PTOV1: variants seen among roughly 807,000 people sequenced by gnomAD.
PTOV1 encodes the protein PTOV1 extended AT-hook containing adaptor protein, also known as prostate tumor-overexpressed gene 1 protein.
A neutral mutation model predicts 58.0 loss-of-function variants in PTOV1; 20 were observed. That is an observed-to-expected ratio of 0.34 (90% CI 0.24 to 0.50). The LOEUF is 0.50. PTOV1 is among the 20% of genes least tolerant of loss of function. The probability of loss-of-function intolerance (pLI) is 0.98; values close to 1 mark genes in which losing one functional copy is unlikely to be tolerated. For synonymous variants in PTOV1, 335 were observed against 234.2 expected (o/e 1.43, Z -3.93); for missense variants, 593 against 565.4 (o/e 1.05, Z -0.50).
chr19:49,858,623 G>A (rs775188038), exon 10 of PTOV1: 2 of 1,604,040 alleles, frequency 1.2e-6, no homozygotes, highest in South Asian at 1.1e-5. Context: ...AGACACTGAA[G>A]AGCCTGTGCC....
In PTOV1 at chr19:49,854,748, CGTGGCAGCCAGGGCG is replaced by C. The variant is rs758042401; in HGVS notation, c.392+22_392+36del. The C allele has an allele frequency of 6.2e-7, 1 of 1,613,306 alleles. No homozygotes were observed. Among genetic ancestry groups the C allele is most frequent in the Non-Finnish European group, 8.5e-7 (1 of 1,179,932 alleles). The stretch of plus-strand genomic sequence containing the variant: ...AGGCGAGAACCTGTGAGTGCCGGGG[CGTGGCAGCCAGGGCG>C]GTGGCAGGGGCAGTGGCTGTGGCCG... On this transcript the variant is annotated intron_variant, in intron 3 of 11. Transcript: ENST00000391842.
At chr19:49,854,887 T>A in exon 4 of PTOV1, 2 of 1,611,894 alleles carry the variant, frequency 1.2e-6, no homozygotes, top group Non-Finnish European at 1.7e-6. Flanking sequence ...CAGCAGCTGC[T>A]GGTGAGACCC....
chr19:49,857,153 C>G (rs753227251), intron 6 of PTOV1, 23 bp downstream of exon 6: 38 of 1,613,550 alleles, frequency 2.4e-5, no homozygotes, highest in Non-Finnish European at 3.0e-5. Flanking sequence ...AGCACAGCCC[C>G]TCTGGGGACA....
intron 4 of PTOV1, 29 bp downstream of exon 4, chr19:49,854,917 C>G (rs879696366): frequency 2.5e-6 from 4 of 1,571,452 alleles, no homozygotes; most frequent in Non-Finnish European, 3.5e-6. Context: ...ACCCCATCCA[C>G]TCTGAGCACC....
rs78960496 is a variant in PTOV1, at chr19:49,860,228, C to T, written c.1240-40C>T. ...GGGCTGCTCAGTCTCCCTCCACCCC[C>T]GCTGCCTGCTCACCACTGGCCTCTG... On this transcript the variant is annotated intron_variant, in intron 11 of 11. Transcript: ENST00000391842. The T allele has an allele frequency of 1.5e-3, 2,346 of 1,613,620 alleles. 26 individuals carry two copies. In the African/African-American group the frequency reaches 0.025, roughly 17 times the overall value.
At position 49,858,040 on chromosome 19, in the gene PTOV1, C is replaced by T; in HGVS notation, c.879-17C>T. 2 of 1,613,978 alleles carry T rather than the reference C, an allele frequency of 1.2e-6. No individual in the cohort carries two copies. The highest frequency in any genetic ancestry group is 1.7e-6 in the Non-Finnish European group (2 of 1,179,926). On this transcript the variant is annotated splice_polypyrimidine_tract_variant and intron_variant, in intron 8 of 11. Transcript: ENST00000391842. ...GGAGCTGGGGCTTCCTGACCCTCGT[C>T]CCTTTGTGCCCCACAGGAGGACCGA...
chr19:49,859,785 C>A (rs1397844533), intron 10 of PTOV1: 1 of 610,530 alleles, frequency 1.6e-6, no homozygotes, highest in Non-Finnish European at 2.9e-6. Context: ...CCCGACAGAG[C>A]CTGTTGGCCT....
At position 49,860,264 on chromosome 19, in the gene PTOV1, G is replaced by C; in HGVS notation, c.1240-4G>C. 1 of 1,613,576 alleles carries C rather than the reference G, an allele frequency of 6.2e-7. No homozygotes were observed. Among genetic ancestry groups the C allele is most frequent in the Non-Finnish European group, 8.5e-7 (1 of 1,179,762 alleles). ...CACCACTGGCCTCTGATTTCTCGCC[G>C]TAGATGGGGGGGTAGTGGTTACCCC... On this transcript the variant is annotated splice_region_variant and splice_polypyrimidine_tract_variant and intron_variant, in intron 11 of 11. Transcript: ENST00000391842.
At chr19:49,857,476 T>G (rs2074526017) in intron 6 of PTOV1, 1 of 620,756 alleles carries the variant, frequency 1.6e-6, no homozygotes, top group East Asian at 2.8e-5. Context: ...GCAGGTCCTG[T>G]GCACCAGGTG....
chr19:49,851,192 C>A, exon 1 of PTOV1: 2 of 1,214,076 alleles, frequency 1.6e-6, no homozygotes, highest in Non-Finnish European at 2.0e-6. Context: ...ACTCCGGCGG[C>A]GCGTCCCCCG....
In PTOV1 at chr19:49,851,455, G is replaced by T. The variant is rs1211868002; in HGVS notation, c.127G>T (p.Gly43Cys). The change falls in exon 1 of 12, where the codon GGC (glycine) becomes TGC (cysteine). Residue 43 changes from glycine to cysteine, a missense_variant. Physicochemically the swap from Gly to Cys is radical, Grantham distance 159 (BLOSUM62 -3). Coordinates refer to ENST00000391842, the Ensembl canonical transcript of PTOV1. ...GCGCTCCTGGCCTGCCAGCCCCCGA[G>T]GCCCGCAGCCTCCGCGGATCCGGGC... The T allele has an allele frequency of 2.7e-5, 33 of 1,221,594 alleles. No individual in the cohort carries two copies. Among genetic ancestry groups the T allele is most frequent in the Non-Finnish European group, 3.4e-5 (33 of 981,662 alleles). 75.7% of individuals were successfully genotyped at this position (1,221,594 alleles called of 1,614,324 possible).
chr19:49,857,680 TC>T lies in PTOV1; in HGVS notation c.715-10del, dbSNP rs1455833881. On this transcript the variant is annotated splice_polypyrimidine_tract_variant and intron_variant, in intron 6 of 11. Transcript: ENST00000391842. ...GCCTGGGCCCCTCTTCCCACCCCGT[TC>T]CCTTCCAACAGGCAGTGGGACCTGG... 5.6e-6 allele frequency: 9 copies of T among 1,612,828 alleles called. No individual in the cohort carries two copies. The highest frequency in any genetic ancestry group is 7.6e-6 in the Non-Finnish European group (9 of 1,179,320).
chr19:49,857,252 G>A (rs2074512983), intron 6 of PTOV1, 122 bp downstream of exon 6: 3 of 1,391,958 alleles, frequency 2.2e-6, no homozygotes, highest in African/African-American at 1.4e-5. Flanking sequence ...GGAGCTGCAG[G>A]GGAGCCCGGA....
chr19:49,851,540 GC>G (rs960209352), intron 1 of PTOV1, 41 bp downstream of exon 1: 41 of 925,290 alleles, frequency 4.4e-5, no homozygotes, highest in African/African-American at 1.3e-4. Context: ...CCACGGCCCC[GC>G]CCCCCCAGCC....
intron 10 of PTOV1, chr19:49,859,742 CAGG>C (rs2074663701): frequency 1.8e-6 from 1 of 561,190 alleles, no homozygotes; most frequent in African/African-American, 1.9e-5. Flanking sequence ...CTGGCCTGCC[CAGG>C]AGCTCTGAAA....
exon 12 of PTOV1, chr19:49,860,522 G>A: frequency 3.2e-6 from 2 of 632,956 alleles, no homozygotes; most frequent in Non-Finnish European, 5.4e-6. Context: ...TGGTATCCAG[G>A]CCTGGGTGGG....
intron 9 of PTOV1, 157 bp downstream of exon 9, chr19:49,858,271 G>T: frequency 1.0e-6 from 1 of 991,806 alleles, no homozygotes; most frequent in Non-Finnish European, 1.5e-6. Flanking sequence ...CCTCAGGCTT[G>T]GCTTCAAGGG....
Position 49,859,973 on chromosome 19 carries a change from C to T in PTOV1, c.1042-13C>T, listed in dbSNP as rs1370046073. 6.2e-7 allele frequency: 1 copy of T among 1,613,826 alleles called. No homozygotes were observed. The highest frequency in any genetic ancestry group is 8.5e-7 in the Non-Finnish European group (1 of 1,179,978). On this transcript the variant is annotated splice_polypyrimidine_tract_variant and intron_variant, in intron 10 of 11. Transcript: ENST00000391842. ...TGGTGCTGTCTGGTGACACCACGCCCTGTGCCTGCCAGGCCGGCTGCGTGC... is the reference window on the plus strand; with the variant it reads ...TGGTGCTGTCTGGTGACACCACGCCTTGTGCCTGCCAGGCCGGCTGCGTGC...
At chr19:49,860,573 GAGC>G in exon 12 of PTOV1, 1 of 555,236 alleles carries the variant, frequency 1.8e-6, no homozygotes, top group South Asian at 2.5e-5. Context: ...CAGTGCTTGG[GAGC>G]CTGTGGCCAG....
Sources: gnomAD v4.1 joint callset for allele counts on GRCh38, gnomAD v4.1.1 for gene constraint, MANE v1.5 for transcripts, NCBI Gene and HGNC (gene_info 2026-07-23, HGNC 2026-07-21) for gene names.